LRRC4C: variants seen among roughly 807,000 people sequenced by gnomAD.
LRRC4C encodes leucine rich repeat containing 4C.
LRRC4C carries 5 observed loss-of-function variants against 33.6 expected under a neutral mutation model. That is an observed-to-expected ratio of 0.15 (90% CI 0.08 to 0.31). LRRC4C has a LOEUF of 0.31. Among genes scored for constraint, LRRC4C ranks in the 10% least tolerant of loss-of-function variants. The pLI, the probability that LRRC4C is intolerant of heterozygous loss-of-function variation, is 1.00. For synonymous variants in LRRC4C, 329 were observed against 302.0 expected (o/e 1.09, Z -0.93); for missense variants, 560 against 796.7 (o/e 0.70, Z 3.58).
At chr11:40,759,397 C>A (rs1308567301) in intron 2 of LRRC4C, among the ~76,000 whole-genome samples, 1 of 151,342 alleles carries the variant, frequency 6.6e-6, no homozygotes, top group African/African-American at 2.4e-5. Flanking sequence ...AATTTTCAAT[C>A]CAAGATACCC....
intron 1 of LRRC4C, among the ~76,000 whole-genome samples, chr11:41,068,664 C>A (rs1001451418): frequency 2.6e-5 from 4 of 152,014 alleles, no homozygotes; most frequent in Non-Finnish European, 5.9e-5. Flanking sequence ...CATACTTATT[C>A]CCCCAAAACA....
intron 1 of LRRC4C, among the ~76,000 whole-genome samples, chr11:41,136,088 A>T (rs1943247659): frequency 6.6e-6 from 1 of 152,294 alleles, no homozygotes; most frequent in Non-Finnish European, 1.5e-5. Flanking sequence ...GAGTGCCTGC[A>T]TATGTCAGGC....
intron 3 of LRRC4C, among the ~76,000 whole-genome samples, chr11:40,536,439 G>C (rs1956476379): frequency 6.6e-6 from 1 of 152,184 alleles, no homozygotes; most frequent in African/African-American, 2.4e-5. Context: ...TGATCCACCT[G>C]CCTTGGTCTC....
rs942860943 is a variant in LRRC4C, at chr11:40,117,697, GA to G, written c.-42-1364del. ...GTGTCTTCTATGAGTCTCTTGGAAA[GA>G]AAAAAAAAAGGGGAGGGGGGCCAGT... On this transcript the variant is annotated intron_variant, in intron 6 of 6. Transcript: ENST00000528697. 7.6e-4 allele frequency among the ~76,000 whole-genome samples: 101 copies of G among 132,986 alleles called. 1 individual carries two copies. Among genetic ancestry groups the G allele is most frequent in the African/African-American group, 1.9e-3 (71 of 37,268 alleles). 87.2% of individuals were successfully genotyped at this position (132,986 alleles called of 152,430 possible). A position where few individuals can be genotyped will look rare whatever the true frequency, so the allele number is the denominator to read the frequency against.
chr11:40,676,828 C>T (rs149968332), intron 2 of LRRC4C, among the ~76,000 whole-genome samples: 62 of 152,134 alleles, frequency 4.1e-4, no homozygotes, highest in East Asian at 9.7e-4. Flanking sequence ...AAAATAATAC[C>T]AATCCTGTGC....
At chr11:41,230,712 T>C (rs993176026) in intron 1 of LRRC4C, among the ~76,000 whole-genome samples, 1 of 151,918 alleles carries the variant, frequency 6.6e-6, no homozygotes, top group Admixed American at 6.6e-5. Context: ...ACTTCATGTC[T>C]AAAATACCAA....
At chr11:40,501,409 T>C (rs143256732) in intron 3 of LRRC4C, among the ~76,000 whole-genome samples, 22 of 152,264 alleles carry the variant, frequency 1.4e-4, no homozygotes, top group African/African-American at 5.3e-4. Flanking sequence ...CTAGCAGAGG[T>C]TCGCCATGAG....
intron 2 of LRRC4C, among the ~76,000 whole-genome samples, chr11:40,731,486 A>G (rs1947582587): frequency 6.6e-6 from 1 of 152,146 alleles, no homozygotes; most frequent in Non-Finnish European, 1.5e-5. Context: ...ATGCTTGTAC[A>G]GCCTACAGAA....
At chr11:40,790,188 A>C (rs1414360732) in intron 2 of LRRC4C, among the ~76,000 whole-genome samples, 1 of 152,202 alleles carries the variant, frequency 6.6e-6, no homozygotes, top group Non-Finnish European at 1.5e-5. Context: ...GATTAGAGGC[A>C]GAGGTGAATG....
At chr11:41,332,664 C>G (rs1019456314) in intron 1 of LRRC4C, among the ~76,000 whole-genome samples, 1 of 152,108 alleles carries the variant, frequency 6.6e-6, no homozygotes, top group Non-Finnish European at 1.5e-5. Context: ...TTGTTTTATC[C>G]CATGAAGATG....
At chr11:41,246,601 C>A (rs963387099) in intron 1 of LRRC4C, among the ~76,000 whole-genome samples, 2 of 152,202 alleles carry the variant, frequency 1.3e-5, no homozygotes, top group Non-Finnish European at 2.9e-5. Context: ...GCAGCCCCAG[C>A]CACGCCTCCC....
At chr11:41,393,890 T>C (rs1005840576) in intron 1 of LRRC4C, among the ~76,000 whole-genome samples, 4 of 152,022 alleles carry the variant, frequency 2.6e-5, no homozygotes, top group Admixed American at 1.3e-4. Context: ...TCCTTGCATA[T>C]GTTTACTCCT....
intron 2 of LRRC4C, among the ~76,000 whole-genome samples, chr11:40,851,750 C>A: frequency 6.6e-6 from 1 of 152,086 alleles, no homozygotes; most frequent in Non-Finnish European, 1.5e-5. Flanking sequence ...AGCCTGGCAA[C>A]AGAGTGAGAC....
chr11:41,031,549 G>C (rs1334624154), intron 1 of LRRC4C, among the ~76,000 whole-genome samples: 1 of 151,960 alleles, frequency 6.6e-6, no homozygotes, highest in Non-Finnish European at 1.5e-5. Flanking sequence ...ACAAATCATA[G>C]ATCTAATGTT....
At chr11:40,178,475 C>T (rs1413488073) in intron 5 of LRRC4C, among the ~76,000 whole-genome samples, 1 of 152,166 alleles carries the variant, frequency 6.6e-6, no homozygotes, top group East Asian at 1.9e-4. Flanking sequence ...GCTGCTTAAG[C>T]TTAGGGTAAG....
At chr11:41,292,069 C>G (rs1430458670) in intron 1 of LRRC4C, among the ~76,000 whole-genome samples, 1 of 152,118 alleles carries the variant, frequency 6.6e-6, no homozygotes, top group Non-Finnish European at 1.5e-5. Context: ...ATTAGCTGCT[C>G]CTGCATGGAA....
At chr11:41,012,886 C>A (rs927734326) in intron 1 of LRRC4C, among the ~76,000 whole-genome samples, 3 of 152,052 alleles carry the variant, frequency 2.0e-5, no homozygotes, top group Non-Finnish European at 2.9e-5. Flanking sequence ...TGTATGTGTT[C>A]TTTTAAGAAT....
chr11:40,490,247 T>C (rs1954078501), intron 3 of LRRC4C, among the ~76,000 whole-genome samples: 1 of 152,192 alleles, frequency 6.6e-6, no homozygotes, highest in Non-Finnish European at 1.5e-5. Flanking sequence ...CTTTCAACAG[T>C]ACTTGGCCAA....
intron 2 of LRRC4C, among the ~76,000 whole-genome samples, chr11:40,819,379 T>C (rs1333254131): frequency 2.0e-5 from 3 of 152,106 alleles, no homozygotes; most frequent in African/African-American, 4.8e-5. Context: ...GATTTTATAA[T>C]GTTCTTGCCC....
Sources: gnomAD v4.1 joint callset for allele counts (sites outside exome capture counted in the v4.1 genomes callset) on GRCh38, gnomAD v4.1.1 for gene constraint, MANE v1.5 for transcripts, NCBI Gene and HGNC (gene_info 2026-07-23, HGNC 2026-07-21) for gene names.